Variants in MLLT10 observed in about 807,000 individuals in gnomAD.
MLLT10 encodes the protein protein AF-10.
Under a neutral mutation model 129.1 loss-of-function variants are expected in MLLT10, and 30 were observed. That is an observed-to-expected ratio of 0.23 (90% CI 0.17 to 0.32). The LOEUF is 0.32. Ranked by LOEUF, MLLT10 falls within the 10% of genes least tolerant of loss-of-function variation. The pLI is 1.00. For missense variants in MLLT10, 1,119 were observed against 1,268.3 expected, an observed-to-expected ratio of 0.88 and a Z score of 1.79; for synonymous variants, 490 against 446.4, an observed-to-expected ratio of 1.10 and a Z score of -1.23.
chr10:21,646,338 A>G (rs2048472954), intron 8 of MLLT10, among the ~76,000 whole-genome samples: 1 of 152,252 alleles, frequency 6.6e-6, no homozygotes, highest in Admixed American at 6.5e-5. Context: ...ATGATGCTGC[A>G]TTGATTTCCT....
chr10:21,639,045 A>G (rs1433153334), intron 8 of MLLT10, among the ~76,000 whole-genome samples: 4 of 152,202 alleles, frequency 2.6e-5, no homozygotes, highest in Non-Finnish European at 4.4e-5. Flanking sequence ...CTCAGATCCC[A>G]TTAATTGGCC....
intron 8 of MLLT10, among the ~76,000 whole-genome samples, chr10:21,650,628 TAAAC>T (rs1162382911): frequency 5.9e-5 from 9 of 152,034 alleles, no homozygotes; most frequent in Non-Finnish European, 1.2e-4. Context: ...TCATGAGAAA[TAAAC>T]AAATTCGATG....
At chr10:21,589,705 T>C (rs556140488) in intron 4 of MLLT10, among the ~76,000 whole-genome samples, 6 of 152,338 alleles carry the variant, frequency 3.9e-5, no homozygotes, top group African/African-American at 1.4e-4. Context: ...TTAAGAATTA[T>C]AGTGGTTTTG....
intron 13 of MLLT10, among the ~76,000 whole-genome samples, chr10:21,685,069 A>T (rs1174109842): frequency 6.6e-6 from 1 of 152,016 alleles, no homozygotes; most frequent in Non-Finnish European, 1.5e-5. Context: ...GTGATGTTCT[A>T]ATACTTCCTC....
chr10:21,626,347 GA>G (rs2131250392), intron 8 of MLLT10: 1 of 761,162 alleles, frequency 1.3e-6, no homozygotes, highest in South Asian at 1.6e-5. Flanking sequence ...TTTTGAAAAT[GA>G]CTAGAAATCT....
intron 13 of MLLT10, among the ~76,000 whole-genome samples, chr10:21,691,364 A>G (rs1589665182): frequency 6.6e-6 from 1 of 152,186 alleles, no homozygotes; most frequent in East Asian, 1.9e-4. Context: ...GGATCTCTTG[A>G]TATATACATA....
chr10:21,659,514 T>G (rs1324834133), intron 9 of MLLT10, among the ~76,000 whole-genome samples: 1 of 146,466 alleles, frequency 6.8e-6, no homozygotes, highest in Non-Finnish European at 1.5e-5. Context: ...CTCTTAATCT[T>G]TTTTTTTTTT....
intron 3 of MLLT10, among the ~76,000 whole-genome samples, chr10:21,576,415 G>A (rs1430424007): frequency 6.6e-6 from 1 of 151,234 alleles, no homozygotes; most frequent in African/African-American, 2.4e-5. Context: ...GCTAATTTTT[G>A]TATTTTTAGT....
intron 4 of MLLT10, 96 bp downstream of exon 4, chr10:21,586,444 A>C: frequency 2.0e-6 from 2 of 988,638 alleles, no homozygotes; most frequent in African/African-American, 3.3e-5. Flanking sequence ...TATCAAATTA[A>C]ACAGCGTTTT....
chr10:21,710,649 GT>G (rs1273131338), intron 13 of MLLT10, among the ~76,000 whole-genome samples: 32 of 152,154 alleles, frequency 2.1e-4, no homozygotes, highest in Admixed American at 2.1e-3. Flanking sequence ...ATATGTAGGA[GT>G]TCTGTGTCCC....
intron 8 of MLLT10, among the ~76,000 whole-genome samples, chr10:21,651,231 C>T (rs766821758): frequency 1.3e-5 from 2 of 151,978 alleles, no homozygotes; most frequent in Non-Finnish European, 2.9e-5. Context: ...ACCACCATGC[C>T]CGGCTAATTT....
intron 7 of MLLT10, among the ~76,000 whole-genome samples, chr10:21,616,565 TACTG>T (rs1383951787): frequency 6.6e-6 from 1 of 152,110 alleles, no homozygotes; most frequent in Non-Finnish European, 1.5e-5. Context: ...ATGAGTCTAA[TACTG>T]ACATTTCCTT....
At chr10:21,642,981 C>T (rs1047510407) in intron 8 of MLLT10, among the ~76,000 whole-genome samples, 2 of 151,926 alleles carry the variant, frequency 1.3e-5, no homozygotes, top group Non-Finnish European at 2.9e-5. Context: ...TGCTAGTATC[C>T]CTATAGTCAT....
chr10:21,670,777 GGTTT>G (rs1336538766), intron 10 of MLLT10, 73 bp downstream of exon 10: 2 of 1,488,082 alleles, frequency 1.3e-6, no homozygotes, highest in Non-Finnish European at 9.0e-7. Context: ...TAAAATAATT[GGTTT>G]GTTTTTGAAC....
chr10:21,584,588 A>G (rs1325668765), intron 3 of MLLT10, among the ~76,000 whole-genome samples: 3 of 151,994 alleles, frequency 2.0e-5, no homozygotes, highest in African/African-American at 7.3e-5. Flanking sequence ...TGCTGCGATT[A>G]TATGTGTGAG....
intron 13 of MLLT10, among the ~76,000 whole-genome samples, chr10:21,688,010 T>C (rs1005674530): frequency 2.0e-5 from 3 of 152,356 alleles, no homozygotes; most frequent in South Asian, 2.1e-4. Context: ...TTTGTTGCTC[T>C]TGGTTCCTTG....
intron 3 of MLLT10, chr10:21,556,748 A>C (rs751160250): frequency 6.2e-7 from 1 of 1,610,386 alleles, no homozygotes; most frequent in South Asian, 1.1e-5. Flanking sequence ...CCTGGTGTCT[A>C]ACGTTCCTCC....
At chr10:21,718,062 C>CT (rs2056877593) in intron 14 of MLLT10, among the ~76,000 whole-genome samples, 1 of 152,040 alleles carries the variant, frequency 6.6e-6, no homozygotes, top group Non-Finnish European at 1.5e-5. Context: ...TCAGGCTGGT[C>CT]TCGAACTCCA....
intron 2 of MLLT10, among the ~76,000 whole-genome samples, chr10:21,538,286 T>C (rs1303188626): frequency 1.3e-5 from 2 of 151,702 alleles, no homozygotes; most frequent in Non-Finnish European, 2.9e-5. Context: ...TGCCGCAGCC[T>C]CCTGAGTAGT....
Sources: gnomAD v4.1 joint callset for allele counts (sites outside exome capture counted in the v4.1 genomes callset) on GRCh38, gnomAD v4.1.1 for gene constraint, MANE v1.5 for transcripts, NCBI Gene and HGNC (gene_info 2026-07-23, HGNC 2026-07-21) for gene names.